Variants in DENND4C observed in about 807,000 individuals in gnomAD.
DENND4C encodes the protein DENN domain-containing protein 4C.
In DENND4C, 108 loss-of-function variants were observed where a neutral mutation model predicts 203.0. The observed-to-expected ratio is 0.53, with a 90% CI of 0.46 to 0.62. The LOEUF is 0.62. Ranked by LOEUF, DENND4C falls within the 20% of genes least tolerant of loss-of-function variation. The probability of loss-of-function intolerance (pLI) is 0.00; values close to 1 mark genes in which losing one functional copy is unlikely to be tolerated. For synonymous variants in DENND4C, 871 were observed against 792.4 expected (o/e 1.10, Z -1.67); for missense variants, 2,481 against 2,301.2 (o/e 1.08, Z -1.60).
chr9:19,262,279 G>A (rs1829568809), intron 1 of DENND4C, among the ~76,000 whole-genome samples: 1 of 151,320 alleles, frequency 6.6e-6, no homozygotes, highest in East Asian at 1.9e-4. Flanking sequence ...TAGAGATGGG[G>A]GTTTCACCAT....
chr9:19,276,085 A>T, intron 1 of DENND4C, 73 bp from the exon 2 acceptor site: 1 of 728,168 alleles, frequency 1.4e-6, no homozygotes, highest in Non-Finnish European at 1.9e-6. Flanking sequence ...ATGATTGTTA[A>T]CTCAAGGATA....
rs1324131209 is a variant in DENND4C at position 19,305,352 on chromosome 9, A to G, written c.1312A>G (p.Met438Val). ...LTGVAEAVVAMIFPFQWQCPY... is the reference protein window; with the variant it reads ...LTGVAEAVVAVIFPFQWQCPY... ...TAATTTTTTAAAACTTTTTCCCCAGATGATCTTTCCATTTCAGTGGCAATG... is the reference window on the plus strand; with the variant it reads ...TAATTTTTTAAAACTTTTTCCCCAGGTGATCTTTCCATTTCAGTGGCAATG... The change falls in exon 10 of 33, where the codon ATG becomes GTG. Residue 438 changes from methionine to valine, a missense_variant and splice_region_variant. Physicochemically the swap from Met to Val is conservative, Grantham distance 21 (BLOSUM62 1). Coordinates refer to ENST00000434457, the MANE Select transcript of DENND4C (RefSeq NM_001330640.2). The G allele has an allele frequency of 7.6e-6, 12 of 1,583,134 alleles. No homozygotes were observed. The highest frequency in any genetic ancestry group is 4.1e-5 in the African/African-American group (3 of 73,870).
chr9:19,372,150 T>C lies in DENND4C; in HGVS notation c.5854T>C (p.Cys1952Arg), dbSNP rs1289963471. 1 of 1,612,206 alleles carries C rather than the reference T, an allele frequency of 6.2e-7. No individual in the cohort carries two copies. Among genetic ancestry groups the C allele is most frequent in the East Asian group, 2.2e-5 (1 of 44,850 alleles). The change falls in exon 33 of 33, where the codon TGT (cysteine) becomes CGT (arginine). Residue 1952 changes from cysteine to arginine, a missense_variant. By Grantham distance (180) the Cys-to-Arg change is radical (BLOSUM62 -3). Coordinates refer to ENST00000434457, the MANE Select transcript of DENND4C (RefSeq NM_001330640.2). Reference protein sequence around the residue: ...PSASVEWCRKCFGAPLI With the variant: ...PSASVEWCRKRFGAPLI The stretch of plus-strand genomic sequence containing the variant: ...TGCCAGTGTCGAGTGGTGCAGGAAG[T>C]GTTTTGGAGCGCCTCTCATTTAAAT...
At chr9:19,258,626 A>G (rs1333931701) in intron 1 of DENND4C, among the ~76,000 whole-genome samples, 1 of 152,118 alleles carries the variant, frequency 6.6e-6, no homozygotes, top group Non-Finnish European at 1.5e-5. Flanking sequence ...TGCTTGATAA[A>G]TTCTAATATC....
intron 2 of DENND4C, among the ~76,000 whole-genome samples, chr9:19,278,964 C>G (rs1833478305): frequency 6.6e-6 from 1 of 152,116 alleles, no homozygotes; most frequent in African/African-American, 2.4e-5. Context: ...TCCAAAAGAC[C>G]TGGAAGCTTG....
chr9:19,334,636 G>A (rs917967975), intron 17 of DENND4C, among the ~76,000 whole-genome samples: 2 of 149,300 alleles, frequency 1.3e-5, no homozygotes, highest in Admixed American at 6.8e-5. Flanking sequence ...AGCGATTCTC[G>A]TGCCTCAGCT....
At chr9:19,324,550 G>C (rs1314574851) in intron 13 of DENND4C, 43 bp downstream of exon 13, 2 of 1,570,002 alleles carry the variant, frequency 1.3e-6, no homozygotes, top group Non-Finnish European at 8.6e-7. Context: ...AAAAAAGTTT[G>C]CCTTACCTGT....
chr9:19,276,021 T>A (rs1311560220), intron 1 of DENND4C, 137 bp from the exon 2 acceptor site: 1 of 434,926 alleles, frequency 2.3e-6, no homozygotes, highest in Non-Finnish European at 3.8e-6. Context: ...AAAAGCAGGC[T>A]TCTTCTCAGA....
At chr9:19,356,788 T>TGTGA (rs1266119304) in intron 26 of DENND4C, among the ~76,000 whole-genome samples, 184 bp from the exon 27 acceptor site, 66 of 140,414 alleles carry the variant, frequency 4.7e-4, no homozygotes, top group African/African-American at 1.3e-3. Flanking sequence ...TGTGTGTGTG[T>TGTGA]GAGAGAGAGA....
intron 23 of DENND4C, among the ~76,000 whole-genome samples, chr9:19,347,526 ATGTT>A (rs2132019444): frequency 6.6e-6 from 1 of 152,284 alleles, no homozygotes; most frequent in East Asian, 1.9e-4. Flanking sequence ...CTGATATGGA[ATGTT>A]TGTATATCTT....
chr9:19,345,874 T>C, intron 22 of DENND4C, 47 bp from the exon 23 acceptor site: 1 of 1,452,424 alleles, frequency 6.9e-7, no homozygotes, highest in Non-Finnish European at 9.3e-7. Flanking sequence ...TAATAAAAGT[T>C]AACTTGGAAA....
rs1013155527 is a variant in DENND4C at position 19,333,158 on chromosome 9, G to A, written c.2460+974G>A. ...GCCTCCTGAGTAGCTGGGACTACAG[G>A]TGCACACCACCACGTCTAATTTTTT... On this transcript the variant is annotated intron_variant, in intron 17 of 32. Transcript: ENST00000434457. Among the ~76,000 whole-genome samples the A allele has an allele frequency of 7.2e-5, 11 of 151,940 alleles. 1 individual carries two copies. The South Asian group carries it at 2.1e-3, about 29-fold the overall frequency.
intron 30 of DENND4C, among the ~76,000 whole-genome samples, chr9:19,368,364 GAC>G (rs1358372287): frequency 6.8e-6 from 1 of 148,138 alleles, no homozygotes; most frequent in Admixed American, 6.9e-5. Context: ...TAATGAAAAA[GAC>G]AATCCGCCTG....
chr9:19,255,003 G>T (rs1389468845), intron 1 of DENND4C, among the ~76,000 whole-genome samples: 3 of 151,988 alleles, frequency 2.0e-5, no homozygotes, highest in Non-Finnish European at 4.4e-5. Context: ...TGTGGTGGTG[G>T]TGGAGGGGGG....
At chr9:19,281,564 A>G (rs1431795761) in intron 2 of DENND4C, among the ~76,000 whole-genome samples, 1 of 152,210 alleles carries the variant, frequency 6.6e-6, no homozygotes, top group Non-Finnish European at 1.5e-5. Context: ...AACTGAGATG[A>G]GGTATTTATA....
intron 10 of DENND4C, among the ~76,000 whole-genome samples, chr9:19,314,186 G>A (rs1841309736): frequency 6.6e-6 from 1 of 152,182 alleles, no homozygotes; most frequent in Non-Finnish European, 1.5e-5. Flanking sequence ...CAGGCGCAGT[G>A]GCTCATGCCT....
Position 19,372,216 on chromosome 9 carries a change from AG to A in DENND4C, c.*44del. On this transcript the variant is annotated 3_prime_UTR_variant, in exon 33 of 33. Coordinates refer to ENST00000434457, the MANE Select transcript of DENND4C (RefSeq NM_001330640.2). ...TGTTGACACACAAGGCTTGGGGATT[AG>A]ATTTCATCTGGAAACATTCAAGTTT... The A allele has an allele frequency of 6.4e-7, 1 of 1,568,756 alleles. No homozygotes were observed.
At chr9:19,240,081 C>T (rs983740148) in intron 1 of DENND4C, among the ~76,000 whole-genome samples, 1 of 152,152 alleles carries the variant, frequency 6.6e-6, no homozygotes, top group Non-Finnish European at 1.5e-5. Flanking sequence ...TTGCTGCATG[C>T]ACTTTGATAC....
At chr9:19,291,040 A>G (rs1023006591) in intron 5 of DENND4C, among the ~76,000 whole-genome samples, 164 bp downstream of exon 5, 1 of 152,206 alleles carries the variant, frequency 6.6e-6, no homozygotes, top group African/African-American at 2.4e-5. Context: ...GAAAATTGCT[A>G]TCAGGATATT....
Sources: gnomAD v4.1 joint callset for allele counts (sites outside exome capture counted in the v4.1 genomes callset) on GRCh38, gnomAD v4.1.1 for gene constraint, MANE v1.5 for transcripts, NCBI Gene and HGNC (gene_info 2026-07-23, HGNC 2026-07-21) for gene names.